DHX34: variants seen among roughly 807,000 people sequenced by gnomAD.
DHX34 encodes the protein DExH-box helicase 34.
A neutral mutation model predicts 111.1 loss-of-function variants in DHX34; 96 were observed. The ratio of observed to expected loss-of-function variants is 0.86; its 90% CI spans 0.73 to 1.02. DHX34 has a LOEUF of 1.02. Among genes scored for constraint, DHX34 ranks in the 50% least tolerant of loss-of-function variants. DHX34 has a pLI of 0.00. For synonymous variants in DHX34, 688 were observed against 670.4 expected (o/e 1.03, Z -0.41); for missense variants, 1,560 against 1,579.9 (o/e 0.99, Z 0.21).
chr19:47,367,843 C>T (rs1969838261), intron 7 of DHX34, among the ~76,000 whole-genome samples: 1 of 148,294 alleles, frequency 6.7e-6, no homozygotes, highest in African/African-American at 2.5e-5. Context: ...ATGCAGTGAG[C>T]CGAGACCATG....
At chr19:47,361,657 T>C (rs1032555308) in intron 5 of DHX34, among the ~76,000 whole-genome samples, 3 of 151,998 alleles carry the variant, frequency 2.0e-5, no homozygotes, top group Admixed American at 6.6e-5. Flanking sequence ...CGGGTTCCTG[T>C]AATCCCAGCT....
At position 47,382,143 on chromosome 19, in the gene DHX34, G is replaced by T. The variant is rs1970386046; in HGVS notation, c.*30G>T. 3 of 1,611,600 alleles carry T rather than the reference G, an allele frequency of 1.9e-6. No individual in the cohort carries two copies. Among genetic ancestry groups the T allele is most frequent in the Non-Finnish European group, 2.5e-6 (3 of 1,178,870 alleles). On this transcript the variant is annotated 3_prime_UTR_variant, in exon 17 of 17. Transcript: ENST00000328771. ...GGCCAGGAGCCCTGCCCACCTCCGTGCAGCTGACCTGCCCTCCAGCCCAGG... is the reference window on the plus strand; with the variant it reads ...GGCCAGGAGCCCTGCCCACCTCCGTTCAGCTGACCTGCCCTCCAGCCCAGG...
intron 13 of DHX34, among the ~76,000 whole-genome samples, chr19:47,377,548 G>GTGCTGGGC (rs1970208575): frequency 6.6e-6 from 1 of 152,134 alleles, no homozygotes; most frequent in African/African-American, 2.4e-5. Context: ...TGGGAGGGTG[G>GTGCTGGGC]ACACAGGGTG....
intron 5 of DHX34, among the ~76,000 whole-genome samples, chr19:47,361,675 A>G (rs1277821134): frequency 1.3e-5 from 2 of 152,160 alleles, no homozygotes; most frequent in Non-Finnish European, 2.9e-5. Flanking sequence ...GCTACTCAGG[A>G]GGCTGAGGCA....
rs145383884 is a variant in DHX34 at position 47,355,143 on chromosome 19, G to T, written c.810G>T (p.Leu270=). The T allele has an allele frequency of 6.2e-7, 1 of 1,613,950 alleles. No homozygotes were observed. Among genetic ancestry groups the T allele is most frequent in the Non-Finnish European group, 8.5e-7 (1 of 1,180,012 alleles). ...GACAAATCCAGCGGGAACCCAGCCT[G>T]CCCCAGTATGAGGTCCTGATTGTGG... The part of the protein sequence containing the change: ...LLRQIQREPS[L]PQYEVLIVDE... Residue 270 remains leucine (L), a synonymous_variant, in exon 3 of 17, where the codon CTG becomes CTT. Coordinates refer to ENST00000328771, the MANE Select transcript of DHX34 (RefSeq NM_014681.6).
At chr19:47,362,267 CA>C (rs4039582) in intron 5 of DHX34, 38,788 of 267,136 alleles carry the variant, frequency 0.15, 4 homozygotes, top group Non-Finnish European at 0.16. Context: ...GACCCTGTCT[CA>C]AAAAAAAAAA....
In DHX34 at chr19:47,353,831, T is replaced by G; in HGVS notation, c.705+96T>G. 1 of 1,176,598 alleles carries G rather than the reference T, an allele frequency of 8.5e-7. No homozygotes were observed. The highest frequency in any genetic ancestry group is 1.2e-6 in the Non-Finnish European group (1 of 862,418). 72.9% of individuals were successfully genotyped at this position (1,176,598 alleles called of 1,614,324 possible). On this transcript the variant is annotated intron_variant, in intron 2 of 16. Transcript: ENST00000328771. The surrounding 1 kb of genome is among the most constrained non-coding windows in gnomAD (Gnocchi z 4.6). ...GCAGTATCAATAAAAATGAAGCACT[T>G]ACCCTTGGACCCAGCGATGATTCTT... is the stretch of plus-strand genomic sequence containing the variant.
chr19:47,363,759 G>C (rs544262114), intron 6 of DHX34, among the ~76,000 whole-genome samples: 141 of 150,214 alleles, frequency 9.4e-4, no homozygotes, highest in African/African-American at 3.2e-3. Context: ...TGGAGGTTGC[G>C]GTGAGCCGAG....
chr19:47,360,016 A>G lies in DHX34; in HGVS notation c.1321A>G (p.Asn441Asp). ...AGTCCGGAAATGCATCCTCTCCACCAACATTGCTGAGACCTCAGTCACCAT... is the reference window on the plus strand; with the variant it reads ...AGTCCGGAAATGCATCCTCTCCACCGACATTGCTGAGACCTCAGTCACCAT... ...PGVRKCILSTNIAETSVTIDG... is the reference protein window; with the variant it reads ...PGVRKCILSTDIAETSVTIDG... The change falls in exon 5 of 17, where the codon AAC becomes GAC. Residue 441 changes from asparagine to aspartate, a missense_variant. Physicochemically the swap from Asn to Asp is conservative, Grantham distance 23. Coordinates refer to ENST00000328771, the MANE Select transcript of DHX34 (RefSeq NM_014681.6). 1 of 1,613,966 alleles carries G rather than the reference A, an allele frequency of 6.2e-7. No individual in the cohort carries two copies. The highest frequency in any genetic ancestry group is 8.5e-7 in the Non-Finnish European group (1 of 1,179,972).
chr19:47,357,385 ACTTTGT>A (rs1969487919), intron 3 of DHX34, among the ~76,000 whole-genome samples: 1 of 152,160 alleles, frequency 6.6e-6, no homozygotes, highest in Non-Finnish European at 1.5e-5. Context: ...TTGCTTTGTT[ACTTTGT>A]CTTTTTATTA....
At chr19:47,354,335 CATG>C (rs1208715434) in intron 2 of DHX34, among the ~76,000 whole-genome samples, 59 of 152,312 alleles carry the variant, frequency 3.9e-4, no homozygotes, top group African/African-American at 1.4e-3. Flanking sequence ...CCTTCTGTCT[CATG>C]GTGGTCATGA....
At chr19:47,375,753 C>T in intron 10 of DHX34, 45 bp downstream of exon 10, 1 of 1,558,862 alleles carries the variant, frequency 6.4e-7, no homozygotes, top group Non-Finnish European at 8.6e-7. Context: ...CCAAGGTGGG[C>T]CTTGGCCTCT....
Position 47,353,396 on chromosome 19 carries a change from C to T in DHX34, c.366C>T (p.Gly122=), listed in dbSNP as rs1969350326. The change falls in exon 2 of 17, where the codon GGC becomes GGT. Residue 122 remains glycine, a synonymous_variant. Transcript: ENST00000328771. This position sits in a 1 kb window ranked among gnomAD's most constrained non-coding sequence, Gnocchi z 4.6. ...GPATRGSQGL[G]RHLPAERVAE... ...CCACGCGGGGCTCTCAGGGACTGGG[C>T]AGGCACTTGCCCGCGGAGAGAGTGG... 1 of 1,614,196 alleles carries T rather than the reference C, an allele frequency of 6.2e-7. No individual in the cohort carries two copies. The highest frequency in any genetic ancestry group is 8.5e-7 in the Non-Finnish European group (1 of 1,180,040).
intron 15 of DHX34, 31 bp from the exon 16 acceptor site, chr19:47,381,155 G>A: frequency 6.2e-7 from 1 of 1,609,206 alleles, no homozygotes; most frequent in Non-Finnish European, 8.5e-7. Flanking sequence ...CACTTGGCGG[G>A]GGCCCAGCCC....
intron 11 of DHX34, 133 bp downstream of exon 11, chr19:47,376,230 G>C: frequency 7.0e-7 from 1 of 1,436,342 alleles, no homozygotes; most frequent in Non-Finnish European, 9.2e-7. Flanking sequence ...AACCCAGTGG[G>C]AGGACAGACC....
In DHX34 at chr19:47,379,816, G is replaced by A. The variant is rs754456912; in HGVS notation, c.2813G>A (p.Arg938Gln). Residue 938 changes from arginine (R) to glutamine (Q), a missense_variant, in exon 14 of 17, where the codon CGA becomes CAA. By Grantham distance (43) the Arg-to-Gln change is conservative (BLOSUM62 1). Transcript: ENST00000328771. ...CTAGCAGACAGTGAAAGTGCCATCC[G>A]ACTCCTGGCGGCTTCCCTGCGGCTC... is the stretch of plus-strand genomic sequence containing the variant. ...LQLADSESAI[R>Q]LLAASLRLRA... is the part of the protein sequence containing the mutation. 41 of 1,613,670 alleles carry A rather than the reference G, an allele frequency of 2.5e-5. No individual in the cohort carries two copies. The highest frequency in any genetic ancestry group is 3.0e-5 in the Non-Finnish European group (35 of 1,179,840).
intron 9 of DHX34, among the ~76,000 whole-genome samples, chr19:47,374,723 T>C (rs535488991): frequency 6.6e-6 from 1 of 152,174 alleles, no homozygotes; most frequent in South Asian, 2.1e-4. Flanking sequence ...CCGATTGCTC[T>C]GAGCATGGGT....
At chr19:47,376,756 C>T (rs1970175994) in intron 12 of DHX34, 196 bp downstream of exon 12, 1 of 1,447,462 alleles carries the variant, frequency 6.9e-7, no homozygotes, top group East Asian at 2.5e-5. Flanking sequence ...GCCTCACCTT[C>T]CGCATGGTGG....
At position 47,362,573 on chromosome 19, in the gene DHX34, G is replaced by GGCGGGCCGC. The variant is rs1282284023; in HGVS notation, c.1474_1482dup (p.Ala492_Arg494dup). The stretch of plus-strand genomic sequence containing the variant: ...CCAGCGCAGAGCAGCGGAAGGGCCG[G>GGCGGGCCGC]GCGGGCCGCACGGGCCCCGGAGTCT... On this transcript the variant is annotated inframe_insertion, in exon 6 of 17. Transcript: ENST00000328771. 1 of 1,613,540 alleles carries GGCGGGCCGC rather than the reference G, an allele frequency of 6.2e-7. No homozygotes were observed. Among genetic ancestry groups the GGCGGGCCGC allele is most frequent in the Admixed American group, 1.7e-5 (1 of 59,972 alleles).
Sources: allele counts gnomAD v4.1 joint callset (sites outside exome capture counted in the v4.1 genomes callset), GRCh38; gene constraint gnomAD v4.1.1; non-coding constraint Gnocchi (gnomAD v3.1); transcripts MANE v1.5; gene names NCBI Gene and HGNC (gene_info 2026-07-23, HGNC 2026-07-21).